ANKS6: variants seen among roughly 807,000 people sequenced by gnomAD.
The protein encoded by ANKS6 is ankyrin repeat and SAM domain-containing protein 6.
A neutral mutation model predicts 77.9 loss-of-function variants in ANKS6; 47 were observed. The ratio of observed to expected loss-of-function variants is 0.60; its 90% CI spans 0.48 to 0.77. The LOEUF (loss-of-function observed/expected upper bound fraction) is 0.77, where lower values mean the gene tolerates loss of function less well. Ranked by LOEUF, ANKS6 falls within the 30% of genes least tolerant of loss-of-function variation. The pLI is 0.00. For synonymous variants in ANKS6, 488 were observed against 501.7 expected (o/e 0.97, Z 0.37); for missense variants, 1,150 against 1,159.1 (o/e 0.99, Z 0.11).
chr9:98,754,567 GGGA>G (rs1283278957), intron 12 of ANKS6, among the ~76,000 whole-genome samples: 1 of 151,892 alleles, frequency 6.6e-6, no homozygotes, highest in Non-Finnish European at 1.5e-5. Context: ...GTGTGAACCC[GGGA>G]GGAGGAGCTT....
At chr9:98,743,824 G>A (rs1306081368) in intron 14 of ANKS6, among the ~76,000 whole-genome samples, 1 of 152,236 alleles carries the variant, frequency 6.6e-6, no homozygotes, top group East Asian at 1.9e-4. Flanking sequence ...CCCGCATGGT[G>A]CCTGAGACAT....
Position 98,735,463 on chromosome 9 carries a change from T to C in ANKS6, c.*1056A>G, listed in dbSNP as rs1187101057. ...GCCCCTCTAATTTAATAAAATATGA[T>C]ATGGTAGGAAACTACACAAGCCAAT... is the stretch of plus-strand genomic sequence containing the variant. On this transcript the variant is annotated 3_prime_UTR_variant, in exon 15 of 15. Transcript: ENST00000353234. The C allele has an allele frequency of 1.6e-6, 2 of 1,215,744 alleles. No individual in the cohort carries two copies. The highest frequency in any genetic ancestry group is 3.1e-5 in the African/African-American group (2 of 64,248). 75.3% of individuals were successfully genotyped at this position (1,215,744 alleles called of 1,614,324 possible). A position where few individuals can be genotyped will look rare whatever the true frequency, so the allele number is the denominator to read the frequency against.
intron 1 of ANKS6, among the ~76,000 whole-genome samples, chr9:98,793,967 C>A (rs189587413): frequency 1.3e-5 from 2 of 150,100 alleles, no homozygotes; most frequent in Non-Finnish European, 3.0e-5. Context: ...CTGGCCAACA[C>A]AGTGAAACCC....
At chr9:98,785,903 T>G (rs1395301391) in intron 2 of ANKS6, among the ~76,000 whole-genome samples, 1 of 152,226 alleles carries the variant, frequency 6.6e-6, no homozygotes, top group East Asian at 1.9e-4. Flanking sequence ...CTCACCTGGC[T>G]GTTGCAGGGA....
At position 98,768,245 on chromosome 9, in the gene ANKS6, T is replaced by C. The variant is rs1268457096; in HGVS notation, c.1978A>G (p.Ser660Gly). ...ATTTGGGACAAGACATTGTCTATGC[T>C]GCCACCTGAGGAAACACAAAATGAG... ...GGELLNRSGGSIDNVLSQIAA... is the reference protein window; with the variant it reads ...GGELLNRSGGGIDNVLSQIAA... Residue 660 changes from serine (S) to glycine (G), a missense_variant, in exon 11 of 15, where the codon AGC becomes GGC. Transcript: ENST00000353234. The C allele has an allele frequency of 6.2e-7, 1 of 1,614,030 alleles. No individual in the cohort carries two copies. The highest frequency in any genetic ancestry group is 2.2e-5 in the East Asian group (1 of 44,880).
At position 98,796,470 on chromosome 9, in the gene ANKS6, G is replaced by A. The variant is rs1486090034; in HGVS notation, c.22C>T (p.Pro8Ser). 4.1e-5 allele frequency: 41 copies of A among 992,172 alleles called. No individual in the cohort carries two copies. The highest frequency in any genetic ancestry group is 4.8e-5 in the Non-Finnish European group (40 of 836,464). 61.5% of individuals were successfully genotyped at this position (992,172 alleles called of 1,614,324 possible). MGEGGLP[P>S]AFQLLLRACD... Reference sequence around the variant, plus strand: ...GCGCGCAGCAGCAGCTGGAAGGCCGGGGGCAGCCCGCCCTCGCCCATCGCC... The same window carrying A: ...GCGCGCAGCAGCAGCTGGAAGGCCGAGGGCAGCCCGCCCTCGCCCATCGCC... The change falls in exon 1 of 15, where the codon CCG (proline) becomes TCG (serine). Residue 8 changes from proline (P) to serine (S), a missense_variant. Physicochemically the swap from Pro to Ser is moderately conservative, Grantham distance 74. Transcript: ENST00000353234.
chr9:98,765,242 G>A (rs1205471904), intron 11 of ANKS6, among the ~76,000 whole-genome samples: 4 of 152,150 alleles, frequency 2.6e-5, no homozygotes, highest in Admixed American at 2.0e-4. Context: ...TGATACTCTG[G>A]ACCATATGGG....
chr9:98,784,150 G>C lies in ANKS6; in HGVS notation c.915C>G (p.Phe305Leu), dbSNP rs765738085. ...DIFHALKMGNFQLVKEIADED... is the reference protein window; with the variant it reads ...DIFHALKMGNLQLVKEIADED... ...CATCGGCAATCTCTTTGACCAGCTG[G>C]AAGTTTCCTGCAAACACAAGCAGGA... is the stretch of plus-strand genomic sequence containing the variant. The change falls in exon 4 of 15, where the codon TTC becomes TTG. Residue 305 changes from phenylalanine (F) to leucine (L), a missense_variant. By Grantham distance (22) the Phe-to-Leu change is conservative (BLOSUM62 0). Coordinates refer to ENST00000353234, the MANE Select transcript of ANKS6 (RefSeq NM_173551.5). The C allele has an allele frequency of 1.3e-6, 2 of 1,523,696 alleles. No individual in the cohort carries two copies. The highest frequency in any genetic ancestry group is 1.8e-6 in the Non-Finnish European group (2 of 1,128,132). The allele number at this position is 1,523,696 out of a possible 1,614,324, so 94.4% of individuals were successfully genotyped here. A position where few individuals can be genotyped will look rare whatever the true frequency, so the allele number is the denominator to read the frequency against.
At chr9:98,752,370 G>A (rs1408845755) in intron 12 of ANKS6, among the ~76,000 whole-genome samples, 3 of 152,146 alleles carry the variant, frequency 2.0e-5, no homozygotes, top group Non-Finnish European at 4.4e-5. Context: ...GTGATTAGGA[G>A]GCTTAGGTTC....
At position 98,789,468 on chromosome 9, in the gene ANKS6, T is replaced by A. The variant is rs571588745; in HGVS notation, c.862+636A>T. 4.6e-5 allele frequency among the ~76,000 whole-genome samples: 7 copies of A among 152,216 alleles called. No homozygotes were observed. The East Asian group carries it at 1.3e-3, about 29-fold the overall frequency. ...AAAAAAGATGCACTGCTAGATGTTT[T>A]TTAAAAAACTAATTTTCATCAATTT... is the stretch of plus-strand genomic sequence containing the variant. On this transcript the variant is annotated intron_variant, in intron 2 of 14. Coordinates refer to ENST00000353234, the MANE Select transcript of ANKS6 (RefSeq NM_173551.5).
chr9:98,770,939 C>A lies in ANKS6; in HGVS notation c.1929G>T (p.Gly643=). ...HSPHSSGGSS[G]VGVSRHGGEL... is the part of the protein sequence containing the mutation. ...CCCCACCGTGCCGGCTCACACCTAC[C>A]CCACTGGAGCCGCCCGATGAATGAG... The change falls in exon 10 of 15, where the codon GGG becomes GGT. Residue 643 remains glycine, a synonymous_variant. Transcript: ENST00000353234. The A allele has an allele frequency of 6.3e-7, 1 of 1,589,134 alleles. No individual in the cohort carries two copies. Among genetic ancestry groups the A allele is most frequent in the Non-Finnish European group, 8.6e-7 (1 of 1,167,208 alleles).
At chr9:98,796,068 G>A (rs1180073176) in intron 1 of ANKS6, 65 bp downstream of exon 1, 2 of 1,260,584 alleles carry the variant, frequency 1.6e-6, no homozygotes, top group South Asian at 2.8e-5. Flanking sequence ...GGCCGCCGGG[G>A]ACCGCGTCTC....
At chr9:98,755,092 G>A (rs953261668) in intron 12 of ANKS6, among the ~76,000 whole-genome samples, 3 of 152,090 alleles carry the variant, frequency 2.0e-5, no homozygotes, top group African/African-American at 7.2e-5. Flanking sequence ...TGATCACACT[G>A]GATATCACAA....
chr9:98,778,946 G>A (rs1021692042), intron 6 of ANKS6, among the ~76,000 whole-genome samples: 17 of 152,206 alleles, frequency 1.1e-4, no homozygotes, highest in African/African-American at 3.6e-4. Context: ...TCCTGGGAAC[G>A]CTTGTAACCC....
rs1834914784 is a variant in ANKS6 at position 98,791,732 on chromosome 9, T to C, written c.360-1126A>G. ...TCAGCCCTCCTTCCCGGGAGCCAGTTTTGCACCTCATCTAAACCCAAGACC... is the reference window on the plus strand; with the variant it reads ...TCAGCCCTCCTTCCCGGGAGCCAGTCTTGCACCTCATCTAAACCCAAGACC... On this transcript the variant is annotated intron_variant, in intron 1 of 14. Transcript: ENST00000353234. This position sits in a 1 kb window ranked among gnomAD's most constrained non-coding sequence, Gnocchi z 4.3. Among the ~76,000 whole-genome samples the C allele has an allele frequency of 6.6e-6, 1 of 152,080 alleles. No individual in the cohort carries two copies. The highest frequency in any genetic ancestry group is 6.5e-5 in the Admixed American group (1 of 15,272).
chr9:98,734,021 C>G lies in ANKS6; in HGVS notation c.*2498G>C. The G allele has an allele frequency of 1.0e-6, 1 of 985,314 alleles. No individual in the cohort carries two copies. Among genetic ancestry groups the G allele is most frequent in the South Asian group, 4.7e-5 (1 of 21,274 alleles). 61.0% of individuals were successfully genotyped at this position (985,314 alleles called of 1,614,324 possible). ...ACCAAAAATCAGAAAAACAAGCACC[C>G]AACTGACCCCTCCTCCCTGACGATC... On this transcript the variant is annotated 3_prime_UTR_variant, in exon 15 of 15. Coordinates refer to ENST00000353234, the MANE Select transcript of ANKS6 (RefSeq NM_173551.5).
rs1259249044 is a variant in ANKS6 at position 98,796,483 on chromosome 9, C to CTCGCCCA, written c.2_8dup (p.Glu3AspfsTer18). The stretch of plus-strand genomic sequence containing the variant: ...GCTGGAAGGCCGGGGGCAGCCCGCC[C>CTCGCCCA]TCGCCCATCGCCGCCGCCACGCGCG... On this transcript the variant is annotated frameshift_variant, in exon 1 of 15. Transcript: ENST00000353234. LOFTEE classifies it high-confidence loss of function. The CTCGCCCA allele has an allele frequency of 1.4e-5, 14 of 990,082 alleles. No homozygotes were observed. Among genetic ancestry groups the CTCGCCCA allele is most frequent in the Non-Finnish European group, 1.6e-5 (13 of 834,838 alleles). 61.3% of individuals were successfully genotyped at this position (990,082 alleles called of 1,614,324 possible).
chr9:98,750,542 A>G (rs916351475), intron 13 of ANKS6, among the ~76,000 whole-genome samples: 2 of 152,370 alleles, frequency 1.3e-5, no homozygotes, highest in East Asian at 3.9e-4. Flanking sequence ...ACCTAGGAGT[A>G]GGACTGCTGG....
Position 98,736,297 on chromosome 9 carries a change from AC to A in ANKS6, c.*221del, listed in dbSNP as rs1831496778. On this transcript the variant is annotated 3_prime_UTR_variant, in exon 15 of 15. Coordinates refer to ENST00000353234, the MANE Select transcript of ANKS6 (RefSeq NM_173551.5). ...GTGAACCAACCTGCCAAGCAGAAGC[AC>A]CCCCACTGGACTGTTACATGGGAAT... 7.3e-7 allele frequency: 1 copy of A among 1,363,682 alleles called. No homozygotes were observed. The highest frequency in any genetic ancestry group is 1.9e-5 in the South Asian group (1 of 52,194). The allele number at this position is 1,363,682 out of a possible 1,614,324, so 84.5% of individuals were successfully genotyped here.
Sources: gnomAD v4.1 joint callset for allele counts (sites outside exome capture counted in the v4.1 genomes callset) on GRCh38, gnomAD v4.1.1 for gene constraint, Gnocchi (gnomAD v3.1) non-coding constraint, MANE v1.5 for transcripts, NCBI Gene and HGNC (gene_info 2026-07-23, HGNC 2026-07-21) for gene names.